GPC5: variants seen among roughly 807,000 people sequenced by gnomAD.
GPC5 encodes glypican-5.
A neutral mutation model predicts 53.9 loss-of-function variants in GPC5; 47 were observed. The observed-to-expected ratio is 0.87, with a 90% confidence interval of 0.69 to 1.11. The LOEUF is 1.11. GPC5 is among the 50% of genes most tolerant of loss of function. GPC5 has a pLI of 0.00. For missense variants in GPC5, 748 were observed against 713.1 expected, an observed-to-expected ratio of 1.05 and a Z score of -0.56; for synonymous variants, 286 against 263.3, an observed-to-expected ratio of 1.09 and a Z score of -0.84.
At chr13:91,674,452 CACACACACACGCACATAT>C (rs1566599744) in intron 2 of GPC5, among the ~76,000 whole-genome samples, 1 of 148,904 alleles carries the variant, frequency 6.7e-6, no homozygotes, top group African/African-American at 2.5e-5. Flanking sequence ...TATACACATA[CACACACACACGCACATAT>C]ACACACACAC....
chr13:91,684,705 A>T (rs1378783033), intron 2 of GPC5, among the ~76,000 whole-genome samples: 4 of 152,156 alleles, frequency 2.6e-5, no homozygotes, highest in Non-Finnish European at 4.4e-5. Flanking sequence ...CCAGCAGTCC[A>T]TGCTCCATAT....
intron 3 of GPC5, among the ~76,000 whole-genome samples, chr13:91,706,382 G>T (rs948367925): frequency 6.6e-6 from 1 of 152,024 alleles, no homozygotes; most frequent in African/African-American, 2.4e-5. Context: ...CAATCATCTT[G>T]TAAATCTGAC....
At chr13:92,008,089 G>C (rs1367718602) in intron 6 of GPC5, among the ~76,000 whole-genome samples, 3 of 142,008 alleles carry the variant, frequency 2.1e-5, no homozygotes, top group Non-Finnish European at 4.5e-5. Context: ...TTGAGACGGA[G>C]TCTCGCTCTG....
chr13:92,538,365 C>A (rs1050872965), intron 7 of GPC5, among the ~76,000 whole-genome samples: 2 of 150,872 alleles, frequency 1.3e-5, no homozygotes, highest in Non-Finnish European at 3.0e-5. Context: ...TTCTTTCTGT[C>A]TCCTTTCTTT....
chr13:92,789,246 G>A (rs1361969705), intron 7 of GPC5, among the ~76,000 whole-genome samples: 1 of 152,048 alleles, frequency 6.6e-6, no homozygotes, highest in Non-Finnish European at 1.5e-5. Flanking sequence ...GCCCTTGTTA[G>A]GGGGGTCAGT....
intron 2 of GPC5, among the ~76,000 whole-genome samples, chr13:91,631,534 G>C (rs774023788): frequency 6.6e-6 from 1 of 152,054 alleles, no homozygotes; most frequent in Non-Finnish European, 1.5e-5. Context: ...ATAGTGCTTT[G>C]GTTAAAAAAT....
chr13:92,368,405 A>G (rs1417055366), intron 7 of GPC5, among the ~76,000 whole-genome samples: 3 of 151,304 alleles, frequency 2.0e-5, no homozygotes, highest in Non-Finnish European at 4.4e-5. Context: ...TCACTTTGGG[A>G]GGCTGAGGCA....
chr13:91,434,426 C>G (rs1879750509), intron 1 of GPC5, among the ~76,000 whole-genome samples: 1 of 152,038 alleles, frequency 6.6e-6, no homozygotes, highest in South Asian at 2.1e-4. Flanking sequence ...ATATGGCTAG[C>G]CAGTTTTCCC....
intron 6 of GPC5, among the ~76,000 whole-genome samples, chr13:91,932,795 A>T (rs1410316239): frequency 6.6e-6 from 1 of 151,812 alleles, no homozygotes. Flanking sequence ...TCCTTTTTCC[A>T]ATTGATGGTT....
intron 3 of GPC5, among the ~76,000 whole-genome samples, chr13:91,704,170 T>C (rs1342250829): frequency 1.3e-5 from 2 of 152,202 alleles, no homozygotes; most frequent in African/African-American, 4.8e-5. Flanking sequence ...TATCTAGGTG[T>C]GTCAATGTTG....
At chr13:91,805,119 C>CAGGATGGAG (rs2038199739) in intron 5 of GPC5, among the ~76,000 whole-genome samples, 1 of 152,136 alleles carries the variant, frequency 6.6e-6, no homozygotes, top group African/African-American at 2.4e-5. Flanking sequence ...AAAACAATGA[C>CAGGATGGAG]AGGATGGAGA....
chr13:91,432,364 G>A (rs2139029040), intron 1 of GPC5, among the ~76,000 whole-genome samples: 1 of 152,160 alleles, frequency 6.6e-6, no homozygotes, highest in East Asian at 1.9e-4. Flanking sequence ...TAGTTGGCTT[G>A]AATTAATGAA....
At chr13:91,791,604 A>C (rs1274009701) in intron 5 of GPC5, among the ~76,000 whole-genome samples, 1 of 65,784 alleles carries the variant, frequency 1.5e-5, no homozygotes, top group African/African-American at 1.2e-4. Context: ...ATTGCTTTAC[A>C]TCAACAATTA....
At chr13:91,832,572 T>G (rs959636004) in intron 5 of GPC5, among the ~76,000 whole-genome samples, 1 of 152,106 alleles carries the variant, frequency 6.6e-6, no homozygotes, top group Non-Finnish European at 1.5e-5. Flanking sequence ...TCTATCATAG[T>G]GTCGATGGTC....
intron 7 of GPC5, among the ~76,000 whole-genome samples, chr13:92,497,855 T>C (rs1880034116): frequency 6.6e-6 from 1 of 152,104 alleles, no homozygotes; most frequent in Non-Finnish European, 1.5e-5. Context: ...TTTGTAGTGA[T>C]TGTGAATGGG....
At position 91,425,704 on chromosome 13, in the gene GPC5, A is replaced by G. The variant is rs533315070; in HGVS notation, c.164-23057A>G. Among the ~76,000 whole-genome samples the G allele has an allele frequency of 7.2e-4, 110 of 152,330 alleles. No homozygotes were observed. In the Middle Eastern group the frequency reaches 0.017, roughly 24 times the overall value. Reference sequence around the variant, plus strand: ...TTTATAGCAGTGTGAAAATTGATGAATACAATAAATGGATACCATGGAGAG... The same window carrying G: ...TTTATAGCAGTGTGAAAATTGATGAGTACAATAAATGGATACCATGGAGAG... On this transcript the variant is annotated intron_variant, in intron 1 of 7. Coordinates refer to ENST00000377067, the MANE Select transcript of GPC5 (RefSeq NM_004466.6).
At chr13:92,472,172 C>A (rs1453733975) in intron 7 of GPC5, among the ~76,000 whole-genome samples, 3 of 152,116 alleles carry the variant, frequency 2.0e-5, no homozygotes, top group Non-Finnish European at 4.4e-5. Flanking sequence ...TGAACTTGGG[C>A]ATATTACTCC....
chr13:92,457,377 T>C (rs1428233309), intron 7 of GPC5, among the ~76,000 whole-genome samples: 1 of 152,092 alleles, frequency 6.6e-6, no homozygotes, highest in Non-Finnish European at 1.5e-5. Context: ...ATGTTTAGCA[T>C]TATCCTTAGT....
chr13:91,868,563 G>A (rs2039109337), intron 5 of GPC5, among the ~76,000 whole-genome samples: 1 of 151,934 alleles, frequency 6.6e-6, no homozygotes, highest in South Asian at 2.1e-4. Context: ...AAATTAGCTG[G>A]GTCTGGTGGC....
Sources: gnomAD v4.1 joint callset for allele counts (sites outside exome capture counted in the v4.1 genomes callset) on GRCh38, gnomAD v4.1.1 for gene constraint, MANE v1.5 for transcripts, NCBI Gene and HGNC (gene_info 2026-07-23, HGNC 2026-07-21) for gene names.